CCDC102B: variants seen among roughly 807,000 people sequenced by gnomAD.
CCDC102B encodes coiled-coil domain-containing protein 102B.
CCDC102B carries 75 observed loss-of-function variants against 57.4 expected under a neutral mutation model. The observed-to-expected ratio is 1.31, with a 90% CI of 1.08 to 1.58. The LOEUF (loss-of-function observed/expected upper bound fraction) is 1.58. Among genes scored for constraint, CCDC102B ranks in the 40% most tolerant of loss-of-function variants. CCDC102B has a pLI of 0.00. For synonymous variants in CCDC102B, 206 were observed against 201.9 expected (o/e 1.02, Z -0.17); for missense variants, 636 against 582.6 (o/e 1.09, Z -0.94).
chr18:68,851,715 CAAAAG>C (rs1281108002), intron 4 of CCDC102B, among the ~76,000 whole-genome samples: 1 of 151,990 alleles, frequency 6.6e-6, no homozygotes. Context: ...AAAACACAAT[CAAAAG>C]AAAACAGCTC....
chr18:69,055,812 G>T (rs2052806681), downstream of CCDC102B, among the ~76,000 whole-genome samples: 1 of 152,018 alleles, frequency 6.6e-6, no homozygotes, highest in African/African-American at 2.4e-5. Flanking sequence ...AACACATAAA[G>T]GGGAAAATGG....
At chr18:69,003,102 T>A (rs111328462) in intron 6 of CCDC102B, among the ~76,000 whole-genome samples, 1 of 151,956 alleles carries the variant, frequency 6.6e-6, no homozygotes, top group Non-Finnish European at 1.5e-5. Flanking sequence ...TCTCAAAATA[T>A]TTTTTTTCCC....
intron 7 of CCDC102B, among the ~76,000 whole-genome samples, chr18:69,029,108 G>T (rs2052070069): frequency 6.6e-6 from 1 of 152,104 alleles, no homozygotes; most frequent in Admixed American, 6.6e-5. Flanking sequence ...TAAGTATGGA[G>T]AATGAAACAA....
At chr18:68,803,194 G>T (rs980259706) in intron 1 of CCDC102B, among the ~76,000 whole-genome samples, 1 of 152,086 alleles carries the variant, frequency 6.6e-6, no homozygotes, top group Non-Finnish European at 1.5e-5. Flanking sequence ...TGGAAGAAAA[G>T]GAATAGTTCT....
At chr18:68,968,110 G>A (rs1023735919) in intron 6 of CCDC102B, among the ~76,000 whole-genome samples, 1 of 152,086 alleles carries the variant, frequency 6.6e-6, no homozygotes, top group African/African-American at 2.4e-5. Context: ...AATGAGGAAG[G>A]ACATTCTTAG....
intron 1 of CCDC102B, among the ~76,000 whole-genome samples, chr18:68,826,978 T>C (rs760543555): frequency 6.6e-6 from 1 of 152,052 alleles, no homozygotes; most frequent in Non-Finnish European, 1.5e-5. Context: ...TCAATTCAAA[T>C]GATAGTGAAT....
intron 1 of CCDC102B, among the ~76,000 whole-genome samples, chr18:68,824,382 T>A (rs2036821832): frequency 1.3e-5 from 2 of 152,234 alleles, no homozygotes. Flanking sequence ...GTTGTATTTC[T>A]GAGTTTTCTA....
At chr18:68,991,228 T>C (rs149913122) in intron 6 of CCDC102B, among the ~76,000 whole-genome samples, 2 of 151,960 alleles carry the variant, frequency 1.3e-5, no homozygotes, top group East Asian at 3.9e-4. Context: ...TCTCTAGAAT[T>C]ATGAACAAAA....
intron 6 of CCDC102B, among the ~76,000 whole-genome samples, chr18:68,950,082 C>G (rs1169622575): frequency 6.6e-6 from 1 of 152,064 alleles, no homozygotes; most frequent in East Asian, 1.9e-4. Context: ...GGTGTCTATT[C>G]AAGATAACAT....
At chr18:69,056,477 G>A (rs17820607), downstream of CCDC102B, among the ~76,000 whole-genome samples, 7,400 of 152,014 alleles carry the variant, frequency 0.049, 250 homozygotes, top group Non-Finnish European at 0.063. Flanking sequence ...GAGGGTAGAC[G>A]TGAATTTGAG....
At chr18:68,958,062 T>C (rs2049951733) in intron 6 of CCDC102B, among the ~76,000 whole-genome samples, 1 of 152,108 alleles carries the variant, frequency 6.6e-6, no homozygotes, top group Admixed American at 6.6e-5. Context: ...ATGTCTCACA[T>C]GCCAGCAGAC....
At chr18:68,862,576 AAGTT>A (rs1380958951) in intron 4 of CCDC102B, among the ~76,000 whole-genome samples, 1 of 152,082 alleles carries the variant, frequency 6.6e-6, no homozygotes, top group Non-Finnish European at 1.5e-5. Flanking sequence ...TAGAAGCAAA[AAGTT>A]AGCCTCCTAT....
chr18:68,875,080 T>G (rs2039391173), intron 5 of CCDC102B: 1 of 184,208 alleles, frequency 5.4e-6, no homozygotes, highest in Non-Finnish European at 1.1e-5. Context: ...AACCAGCTGC[T>G]GGATCATGTG....
At chr18:68,933,339 A>C (rs2041742713) in intron 6 of CCDC102B, among the ~76,000 whole-genome samples, 1 of 152,038 alleles carries the variant, frequency 6.6e-6, no homozygotes, top group African/African-American at 2.4e-5. Context: ...TTGAAATTGA[A>C]TTTTAAGGAG....
At chr18:69,009,106 C>T (rs761705170) in intron 6 of CCDC102B, among the ~76,000 whole-genome samples, 1 of 152,082 alleles carries the variant, frequency 6.6e-6, no homozygotes, top group Non-Finnish European at 1.5e-5. Flanking sequence ...ACTTTATGTG[C>T]ATTTTTAATT....
chr18:68,873,057 G>A (rs925406278), intron 4 of CCDC102B, among the ~76,000 whole-genome samples: 7 of 152,108 alleles, frequency 4.6e-5, no homozygotes, highest in Admixed American at 2.6e-4. Context: ...AAATGAATTC[G>A]ATATTCTTTT....
chr18:68,720,909 C>T (rs1413823014), intron 2 of CCDC102B, among the ~76,000 whole-genome samples: 1 of 152,076 alleles, frequency 6.6e-6, no homozygotes, highest in Non-Finnish European at 1.5e-5. Flanking sequence ...CCTGTCTCCA[C>T]AATAATTTAA....
chr18:68,853,639 T>A (rs958616027), intron 4 of CCDC102B, among the ~76,000 whole-genome samples: 3 of 144,450 alleles, frequency 2.1e-5, no homozygotes, highest in African/African-American at 7.7e-5. Flanking sequence ...AAATATTTAC[T>A]TTTATTCCGA....
intron 6 of CCDC102B, among the ~76,000 whole-genome samples, chr18:68,911,481 G>C (rs56080490): frequency 4.0e-5 from 6 of 150,776 alleles, no homozygotes; most frequent in Admixed American, 2.6e-4. Context: ...GGCCGGGCGC[G>C]GTGGCTCACG....
Sources: gnomAD v4.1 joint callset for allele counts (sites outside exome capture counted in the v4.1 genomes callset) on GRCh38, gnomAD v4.1.1 for gene constraint, MANE v1.5 for transcripts, NCBI Gene and HGNC (gene_info 2026-07-23, HGNC 2026-07-21) for gene names.